Variants in STK39 observed in about 807,000 individuals in gnomAD.
STK39 encodes the protein serine/threonine kinase 39.
A neutral mutation model predicts 77.8 loss-of-function variants in STK39; 20 were observed. That is an observed-to-expected ratio of 0.26 (90% CI 0.18 to 0.37). The LOEUF is 0.37. Among genes scored for constraint, STK39 ranks in the 10% least tolerant of loss-of-function variants. The probability of loss-of-function intolerance (pLI) is 1.00; values close to 1 mark genes in which losing one functional copy is unlikely to be tolerated. For missense variants in STK39, 479 were observed against 656.5 expected (o/e 0.73, Z 2.95); for synonymous variants, 246 against 234.1 (o/e 1.05, Z -0.47).
intron 10 of STK39, among the ~76,000 whole-genome samples, chr2:168,084,503 A>G (rs984635123): frequency 6.6e-6 from 1 of 152,202 alleles, no homozygotes; most frequent in African/African-American, 2.4e-5. Flanking sequence ...GTGAGGGCTT[A>G]AAGAAAAGTG....
At chr2:168,001,139 G>A (rs1683988862) in intron 16 of STK39, among the ~76,000 whole-genome samples, 1 of 152,034 alleles carries the variant, frequency 6.6e-6, no homozygotes, top group African/African-American at 2.4e-5. Flanking sequence ...TTTCTTTTAT[G>A]GAATGGTTAC....
intron 2 of STK39, among the ~76,000 whole-genome samples, chr2:168,179,918 A>G (rs1347905493): frequency 6.6e-6 from 1 of 152,204 alleles, no homozygotes; most frequent in African/African-American, 2.4e-5. Flanking sequence ...GAAACCAGAG[A>G]CCATAGCATC....
intron 12 of STK39, among the ~76,000 whole-genome samples, chr2:168,068,523 A>T (rs1430336342): frequency 2.6e-5 from 4 of 152,202 alleles, no homozygotes; most frequent in Admixed American, 6.5e-5. Context: ...CTGGTTTCTG[A>T]GTTGTAACAA....
Position 168,247,523 on chromosome 2 carries a change from G to C in STK39, c.-88C>G. 1.1e-5 allele frequency: 10 copies of C among 880,032 alleles called. No individual in the cohort carries two copies. The highest frequency in any genetic ancestry group is 3.9e-5 in the African/African-American group (2 of 50,976). 54.5% of individuals were successfully genotyped at this position (880,032 alleles called of 1,614,324 possible). On this transcript the variant is annotated 5_prime_UTR_variant, in exon 1 of 18. Coordinates refer to ENST00000355999, the MANE Select transcript of STK39 (RefSeq NM_013233.3). ...CTTTGCCTCGCCGCCGACACCTCTC[G>C]GCCGGCGCACGCCCTCCCCGCCCGC... is the stretch of plus-strand genomic sequence containing the variant.
intron 1 of STK39, among the ~76,000 whole-genome samples, chr2:168,217,815 A>G (rs1200887684): frequency 6.6e-6 from 1 of 152,232 alleles, no homozygotes; most frequent in African/African-American, 2.4e-5. Flanking sequence ...TCTACATTTA[A>G]CTGAATCCAC....
chr2:168,052,283 T>C (rs1685418691), intron 14 of STK39, among the ~76,000 whole-genome samples: 1 of 152,222 alleles, frequency 6.6e-6, no homozygotes, highest in South Asian at 2.1e-4. Flanking sequence ...TTTCCAGGAC[T>C]CTCCACACCT....
chr2:168,159,472 A>G (rs1269882953), intron 5 of STK39, among the ~76,000 whole-genome samples: 1 of 152,242 alleles, frequency 6.6e-6, no homozygotes, highest in Non-Finnish European at 1.5e-5. Context: ...TGACCAAGAA[A>G]GTCAATCTCC....
chr2:168,084,095 G>T (rs1164428872), intron 10 of STK39, among the ~76,000 whole-genome samples: 4 of 152,038 alleles, frequency 2.6e-5, no homozygotes, highest in Admixed American at 2.0e-4. Context: ...GACAAATTTG[G>T]CCTGTGAGTT....
intron 16 of STK39, among the ~76,000 whole-genome samples, chr2:167,967,491 C>G (rs1400132243): frequency 1.3e-5 from 2 of 152,040 alleles, no homozygotes; most frequent in Non-Finnish European, 2.9e-5. Context: ...GGCTTGAATA[C>G]CTGTCAGGGC....
chr2:168,149,103 T>C (rs764716418), intron 5 of STK39, among the ~76,000 whole-genome samples: 2 of 152,214 alleles, frequency 1.3e-5, no homozygotes, highest in African/African-American at 2.4e-5. Context: ...ATTCACCTTA[T>C]TGATATAAGC....
At chr2:167,968,051 T>C (rs1692209568) in intron 16 of STK39, among the ~76,000 whole-genome samples, 1 of 152,126 alleles carries the variant, frequency 6.6e-6, no homozygotes, top group Non-Finnish European at 1.5e-5. Flanking sequence ...TTTGGTTTTC[T>C]GTCCCTGTGT....
chr2:168,147,979 G>A (rs1034032804), intron 5 of STK39, among the ~76,000 whole-genome samples: 1 of 152,142 alleles, frequency 6.6e-6, no homozygotes, highest in African/African-American at 2.4e-5. Context: ...CTAAAGTGCA[G>A]TTTCTGATCA....
Position 168,133,745 on chromosome 2 carries a change from C to G in STK39, c.975-3987G>C, listed in dbSNP as rs558504148. On this transcript the variant is annotated intron_variant, in intron 8 of 17. Coordinates refer to ENST00000355999, the MANE Select transcript of STK39 (RefSeq NM_013233.3). ...TGATGGCGGGCACCTGTAATCCCAGCTACTCAGGAGGCTGAGGCAGGAGAA... is the reference window on the plus strand; with the variant it reads ...TGATGGCGGGCACCTGTAATCCCAGGTACTCAGGAGGCTGAGGCAGGAGAA... Among the ~76,000 whole-genome samples, 4 of 152,100 alleles carry G rather than the reference C, an allele frequency of 2.6e-5. No homozygotes were observed. The South Asian group carries it at 8.3e-4, about 32-fold the overall frequency.
chr2:167,964,068 C>G (rs545966287), intron 17 of STK39, among the ~76,000 whole-genome samples: 1 of 152,210 alleles, frequency 6.6e-6, no homozygotes, highest in Non-Finnish European at 1.5e-5. Context: ...ATGTCCGGCA[C>G]TCTGTATCTC....
chr2:168,030,294 T>C (rs1469511277), intron 14 of STK39, among the ~76,000 whole-genome samples: 1 of 151,822 alleles, frequency 6.6e-6, no homozygotes, highest in Non-Finnish European at 1.5e-5. Context: ...GAAGAAGTAA[T>C]TTTTTTTGCT....
rs541930653 is a variant in STK39, at chr2:168,228,750, T to C, written c.208+18478A>G. On this transcript the variant is annotated intron_variant, in intron 1 of 17. Transcript: ENST00000355999. ...GTTGCAGTGAGCCGAGATTGCGCCA[T>C]TGCACTCCAGCCTGGACAAGAGTGA... is the stretch of plus-strand genomic sequence containing the variant. Among the ~76,000 whole-genome samples, 24 of 152,192 alleles carry C rather than the reference T, an allele frequency of 1.6e-4. 1 individual carries two copies. In the South Asian group the frequency reaches 1.7e-3, roughly 11 times the overall value.
chr2:168,206,773 GA>G (rs1689753707), intron 1 of STK39, among the ~76,000 whole-genome samples: 1 of 152,200 alleles, frequency 6.6e-6, no homozygotes, highest in African/African-American at 2.4e-5. Context: ...TTAAAGAAAT[GA>G]AAAAATAAGG....
chr2:168,033,428 C>T (rs1684876321), intron 14 of STK39, among the ~76,000 whole-genome samples: 1 of 152,166 alleles, frequency 6.6e-6, no homozygotes, highest in Non-Finnish European at 1.5e-5. Flanking sequence ...CAACAGTCAA[C>T]ATTTGGGATG....
intron 16 of STK39, among the ~76,000 whole-genome samples, chr2:168,008,648 A>T (rs1189501724): frequency 6.6e-6 from 1 of 152,226 alleles, no homozygotes; most frequent in Non-Finnish European, 1.5e-5. Flanking sequence ...ACCTGATAAG[A>T]TCAGCAAAGC....
Sources: gnomAD v4.1 joint callset for allele counts (sites outside exome capture counted in the v4.1 genomes callset) on GRCh38, gnomAD v4.1.1 for gene constraint, MANE v1.5 for transcripts, NCBI Gene and HGNC (gene_info 2026-07-23, HGNC 2026-07-21) for gene names.